TLE1: variants seen among roughly 807,000 people sequenced by gnomAD.
The protein encoded by TLE1 is TLE family member 1, transcriptional corepressor, also known as transducin-like enhancer protein 1.
TLE1 carries 21 observed loss-of-function variants against 89.8 expected under a neutral mutation model. The ratio of observed to expected loss-of-function variants is 0.23; its 90% confidence interval spans 0.17 to 0.34. TLE1 has a LOEUF of 0.34. TLE1 is among the 10% of genes least tolerant of loss of function. The pLI, the probability that TLE1 is intolerant of heterozygous loss-of-function variation, is 1.00. For synonymous variants in TLE1, 447 were observed against 407.6 expected (o/e 1.10, Z -1.16); for missense variants, 795 against 1,031.2 (o/e 0.77, Z 3.14).
At chr9:81,615,947 T>G (rs760939085) in intron 11 of TLE1, 35 bp downstream of exon 11, 2 of 1,611,616 alleles carry the variant, frequency 1.2e-6, no homozygotes, top group Non-Finnish European at 1.7e-6. Context: ...AAAAATACAC[T>G]GCCAAACAGG....
intron 14 of TLE1, among the ~76,000 whole-genome samples, chr9:81,594,223 C>T (rs1829919999): frequency 1.3e-5 from 2 of 152,120 alleles, no homozygotes; most frequent in Non-Finnish European, 2.9e-5. Flanking sequence ...CTCTGGGCCA[C>T]AAGTTGATTT....
intron 8 of TLE1, among the ~76,000 whole-genome samples, chr9:81,629,592 T>C (rs1271487886): frequency 1.3e-5 from 2 of 152,204 alleles, no homozygotes; most frequent in Non-Finnish European, 2.9e-5. Context: ...CAGGGATACT[T>C]TGTAAGAAAG....
chr9:81,590,820 T>A lies in TLE1; in HGVS notation c.1814A>T (p.Asn605Ile). ...CTTTGCTCACCTCACTAGTGTCTGGTTGTGCAGATCCCACACAGCGATGTT... is the reference window on the plus strand; with the variant it reads ...CTTTGCTCACCTCACTAGTGTCTGGATGTGCAGATCCCACACAGCGATGTT... ...DGNIAVWDLH[N>I]QTLVRQFQGH... The change falls in exon 16 of 20, where the codon AAC becomes ATC. Residue 605 changes from asparagine to isoleucine, a missense_variant. This residue lies in a region of TLE1 where 214 missense variants were observed against 354.9 expected (regional missense o/e 0.60). Transcript: ENST00000376499. 5 of 1,614,038 alleles carry A rather than the reference T, an allele frequency of 3.1e-6. No homozygotes were observed. The highest frequency in any genetic ancestry group is 4.2e-6 in the Non-Finnish European group (5 of 1,180,022).
intron 14 of TLE1, among the ~76,000 whole-genome samples, chr9:81,602,019 T>G (rs1339582438): frequency 6.6e-6 from 1 of 152,010 alleles, no homozygotes; most frequent in African/African-American, 2.4e-5. Context: ...GTGTGAGAAG[T>G]GTCATAAGAT....
At chr9:81,643,335 C>G (rs1290120448) in intron 6 of TLE1, among the ~76,000 whole-genome samples, 2 of 151,836 alleles carry the variant, frequency 1.3e-5, no homozygotes, top group Admixed American at 1.3e-4. Context: ...CTCCTGGGTT[C>G]AAGCGATTCT....
chr9:81,636,288 T>C (rs532436921), intron 6 of TLE1, among the ~76,000 whole-genome samples: 16 of 152,248 alleles, frequency 1.1e-4, no homozygotes, highest in African/African-American at 3.6e-4. Context: ...CTGAAGAAGC[T>C]TGCAGTGGCA....
At chr9:81,608,949 A>AG (rs1404739115) in intron 14 of TLE1, among the ~76,000 whole-genome samples, 1 of 152,128 alleles carries the variant, frequency 6.6e-6, no homozygotes, top group Non-Finnish European at 1.5e-5. Flanking sequence ...AATAATAAAA[A>AG]AAAGAAAGAA....
At chr9:81,663,836 G>A (rs1219391422) in intron 4 of TLE1, among the ~76,000 whole-genome samples, 1 of 151,828 alleles carries the variant, frequency 6.6e-6, no homozygotes, top group Non-Finnish European at 1.5e-5. Context: ...CATGTCGGCA[G>A]GATGGTCTCG....
intron 6 of TLE1, among the ~76,000 whole-genome samples, chr9:81,638,709 C>T (rs1057119504): frequency 1.3e-5 from 2 of 151,756 alleles, no homozygotes; most frequent in African/African-American, 4.8e-5. Context: ...ACTACAATCT[C>T]CTCCTTCTGG....
chr9:81,633,319 G>A, intron 8 of TLE1, 29 bp downstream of exon 8: 6 of 1,584,552 alleles, frequency 3.8e-6, no homozygotes, highest in Non-Finnish European at 3.4e-6. Flanking sequence ...GTGTGTGTGT[G>A]TGTGTGCAGC....
intron 15 of TLE1, among the ~76,000 whole-genome samples, chr9:81,591,694 T>C (rs1829524969): frequency 6.6e-6 from 1 of 152,202 alleles, no homozygotes; most frequent in Non-Finnish European, 1.5e-5. Flanking sequence ...CGATGGATTA[T>C]CTTTCAAAGA....
intron 4 of TLE1, among the ~76,000 whole-genome samples, chr9:81,670,342 T>C (rs1320819756): frequency 6.6e-6 from 1 of 152,194 alleles, no homozygotes; most frequent in East Asian, 1.9e-4. Context: ...CCTTTTTTTT[T>C]TGAGACAGAG....
intron 4 of TLE1, among the ~76,000 whole-genome samples, chr9:81,661,967 C>A (rs982231983): frequency 1.3e-5 from 2 of 152,136 alleles, no homozygotes; most frequent in Non-Finnish European, 2.9e-5. Context: ...GGCAACTGGG[C>A]AATGTGTTTC....
chr9:81,595,642 C>A (rs1830081388), intron 14 of TLE1, among the ~76,000 whole-genome samples: 1 of 151,886 alleles, frequency 6.6e-6, no homozygotes, highest in Non-Finnish European at 1.5e-5. Context: ...CAGAGTGAAA[C>A]CCCATCTCTA....
chr9:81,585,710 G>A, intron 17 of TLE1, 55 bp from the exon 18 acceptor site: 2 of 1,589,824 alleles, frequency 1.3e-6, no homozygotes, highest in Non-Finnish European at 1.7e-6. Flanking sequence ...CTTAGGAAGG[G>A]AAGACGCAAT....
chr9:81,688,416 G>GGCTCCC lies in TLE1; in HGVS notation c.-182_-177dup, dbSNP rs1659017422. 3.2e-6 allele frequency: 2 copies of GGCTCCC among 624,442 alleles called. No individual in the cohort carries two copies. The highest frequency in any genetic ancestry group is 3.1e-5 in the South Asian group (1 of 32,094). The allele number at this position is 624,442 out of a possible 1,614,324, so 38.7% of individuals were successfully genotyped here. ...GCCACTCGGCGCCCGCAGCTGCTCC[G>GGCTCCC]GCTCCCGCTCCCGTCGGTGCGGGCT... is the stretch of plus-strand genomic sequence containing the variant. On this transcript the variant is annotated 5_prime_UTR_variant, in exon 1 of 20. Coordinates refer to ENST00000376499, the MANE Select transcript of TLE1 (RefSeq NM_005077.5).
intron 4 of TLE1, among the ~76,000 whole-genome samples, chr9:81,664,766 A>ATC (rs1831248207): frequency 6.6e-6 from 1 of 152,254 alleles, no homozygotes; most frequent in South Asian, 2.1e-4. Context: ...TAGTGAGGTT[A>ATC]TCAGTGGTTC....
intron 6 of TLE1, among the ~76,000 whole-genome samples, chr9:81,642,108 G>A (rs1309378112): frequency 6.6e-6 from 1 of 152,054 alleles, no homozygotes; most frequent in Non-Finnish European, 1.5e-5. Context: ...TGTTAGTGAT[G>A]GTGTGGAGAA....
intron 8 of TLE1, among the ~76,000 whole-genome samples, chr9:81,622,805 G>A (rs1433945173): frequency 2.6e-5 from 4 of 152,136 alleles, no homozygotes; most frequent in South Asian, 2.1e-4. Flanking sequence ...CTTTGATGCT[G>A]TAAAACTGAC....
Sources: gnomAD v4.1 joint callset for allele counts (sites outside exome capture counted in the v4.1 genomes callset) on GRCh38, gnomAD v4.1.1 for gene constraint, gnomAD v4.1.1 regional missense constraint, MANE v1.5 for transcripts, NCBI Gene and HGNC (gene_info 2026-07-23, HGNC 2026-07-21) for gene names.